ZNF804B: variants seen among roughly 807,000 people sequenced by gnomAD.
ZNF804B encodes zinc finger protein 804B, also known as zinc finger 804B.
A neutral mutation model predicts 101.4 loss-of-function variants in ZNF804B; 80 were observed. That is an observed-to-expected ratio of 0.79 (90% CI 0.66 to 0.95). The LOEUF (loss-of-function observed/expected upper bound fraction) is 0.95, where lower values mean the gene tolerates loss of function less well. ZNF804B is among the 40% of genes least tolerant of loss of function. The pLI is 0.00. For synonymous variants in ZNF804B, 622 were observed against 558.8 expected, an observed-to-expected ratio of 1.11 and a Z score of -1.59; for missense variants, 1,673 against 1,561.9, an observed-to-expected ratio of 1.07 and a Z score of -1.20.
At chr7:88,958,503 T>C (rs1329687605) in intron 1 of ZNF804B, among the ~76,000 whole-genome samples, 1 of 151,514 alleles carries the variant, frequency 6.6e-6, no homozygotes, top group African/African-American at 2.4e-5. Flanking sequence ...CATCCATAGA[T>C]ATCACCATGA....
intron 2 of ZNF804B, among the ~76,000 whole-genome samples, chr7:89,273,120 C>T (rs1382638552): frequency 6.6e-6 from 1 of 152,048 alleles, no homozygotes; most frequent in Non-Finnish European, 1.5e-5. Context: ...AACCTAAGCA[C>T]TATGTCATCA....
At chr7:88,868,697 T>C (rs1052621756) in intron 1 of ZNF804B, among the ~76,000 whole-genome samples, 2 of 152,202 alleles carry the variant, frequency 1.3e-5, no homozygotes, top group Non-Finnish European at 2.9e-5. Context: ...CTCAGATGCT[T>C]TACAACATTT....
chr7:89,138,079 A>G (rs2116388921), intron 1 of ZNF804B, among the ~76,000 whole-genome samples: 1 of 152,128 alleles, frequency 6.6e-6, no homozygotes, highest in East Asian at 1.9e-4. Context: ...AGGTTTGGGA[A>G]CCTCTGCTTA....
chr7:89,259,642 G>A (rs1789682285), intron 2 of ZNF804B, among the ~76,000 whole-genome samples: 2 of 152,224 alleles, frequency 1.3e-5, no homozygotes, highest in South Asian at 4.1e-4. Context: ...CTAAGTCATT[G>A]CCTTCAATGT....
At chr7:89,293,257 G>T (rs1368539497) in intron 2 of ZNF804B, among the ~76,000 whole-genome samples, 1 of 151,648 alleles carries the variant, frequency 6.6e-6, no homozygotes, top group Non-Finnish European at 1.5e-5. Flanking sequence ...TAATAAGTAT[G>T]GTCAAATGTT....
At chr7:89,301,260 C>T (rs1357211881) in intron 2 of ZNF804B, among the ~76,000 whole-genome samples, 1 of 151,452 alleles carries the variant, frequency 6.6e-6, no homozygotes, top group Non-Finnish European at 1.5e-5. Flanking sequence ...CCTTGATAAA[C>T]AAGTTTATTC....
At chr7:89,109,376 T>C (rs1583991416) in intron 1 of ZNF804B, among the ~76,000 whole-genome samples, 1 of 152,188 alleles carries the variant, frequency 6.6e-6, no homozygotes, top group Non-Finnish European at 1.5e-5. Context: ...TTTTATATCA[T>C]GATGTTAATT....
chr7:89,177,313 G>T (rs982471503), intron 1 of ZNF804B, among the ~76,000 whole-genome samples: 1 of 152,090 alleles, frequency 6.6e-6, no homozygotes, highest in East Asian at 1.9e-4. Context: ...TTGGTGTGTT[G>T]TGTTTTCATT....
intron 1 of ZNF804B, among the ~76,000 whole-genome samples, chr7:88,977,023 G>A (rs1308414859): frequency 1.3e-5 from 2 of 151,726 alleles, no homozygotes; most frequent in East Asian, 2.0e-4. Flanking sequence ...CTGTTGATAC[G>A]ATGTATCACA....
In ZNF804B at chr7:89,171,282, GCTGCTGCTTCTTCTT is replaced by G. The variant is rs1248424017; in HGVS notation, c.109-46870_109-46856del. Among the ~76,000 whole-genome samples, 722 of 95,534 alleles carry G rather than the reference GCTGCTGCTTCTTCTT, an allele frequency of 7.6e-3. 12 individuals carry two copies. Among genetic ancestry groups the G allele is most frequent in the African/African-American group, 0.015 (334 of 21,988 alleles). 62.7% of individuals were successfully genotyped at this position (95,534 alleles called of 152,430 possible). ...CAATGAAGTAGGCACAAATAATGCT[GCTGCTGCTTCTTCTT>G]CTTCTTCTTCTTCTTCTTCTTCTTC... On this transcript the variant is annotated intron_variant, in intron 1 of 3. Coordinates refer to ENST00000333190, the MANE Select transcript of ZNF804B (RefSeq NM_181646.5).
intron 2 of ZNF804B, among the ~76,000 whole-genome samples, chr7:89,321,619 A>T (rs930670108): frequency 6.6e-6 from 1 of 152,122 alleles, no homozygotes. Flanking sequence ...ACTAAAAAGC[A>T]TATAGAAAAA....
Position 89,336,286 on chromosome 7 carries a change from G to A in ZNF804B, c.3304G>A (p.Asp1102Asn), listed in dbSNP as rs370624635. ...QEDQINLDLQ[D>N]VSMHINHVEG... Reference sequence around the variant, plus strand: ...AGACCAAATAAATCTAGACTTACAGGATGTAAGCATGCATATAAATCATGT... The same window carrying A: ...AGACCAAATAAATCTAGACTTACAGAATGTAAGCATGCATATAAATCATGT... The change falls in exon 4 of 4, where the codon GAT becomes AAT. Residue 1102 changes from aspartate to asparagine, a missense_variant. Physicochemically the swap from Asp to Asn is conservative, Grantham distance 23 (BLOSUM62 1). Transcript: ENST00000333190. The A allele has an allele frequency of 6.8e-6, 11 of 1,613,596 alleles. No homozygotes were observed. The African/African-American group carries it at 1.5e-4, about 22-fold the overall frequency.
chr7:89,113,673 C>A (rs1482987735), intron 1 of ZNF804B, among the ~76,000 whole-genome samples: 1 of 152,072 alleles, frequency 6.6e-6, no homozygotes, highest in Non-Finnish European at 1.5e-5. Flanking sequence ...AAAAAACAGG[C>A]CAGGCGCTGT....
chr7:89,148,617 T>C (rs1197595750), intron 1 of ZNF804B, among the ~76,000 whole-genome samples: 1 of 152,058 alleles, frequency 6.6e-6, no homozygotes, highest in African/African-American at 2.4e-5. Context: ...ATTTGAAAAT[T>C]AAATCAATAT....
chr7:88,995,457 T>C (rs1788174580), intron 1 of ZNF804B, among the ~76,000 whole-genome samples: 1 of 152,042 alleles, frequency 6.6e-6, no homozygotes, highest in African/African-American at 2.4e-5. Context: ...TGTATGGTAT[T>C]ATTTCACTAT....
chr7:89,171,386 CTCT>C (rs1791231885), intron 1 of ZNF804B, among the ~76,000 whole-genome samples: 1 of 105,148 alleles, frequency 9.5e-6, no homozygotes, highest in Non-Finnish European at 2.0e-5. Context: ...CCTCTTCTTC[CTCT>C]TCTTCCTCTT....
At chr7:89,296,560 C>T (rs1425072366) in intron 2 of ZNF804B, among the ~76,000 whole-genome samples, 1 of 152,026 alleles carries the variant, frequency 6.6e-6, no homozygotes, top group Non-Finnish European at 1.5e-5. Context: ...CTACAAGGCT[C>T]ATTACTGATT....
At chr7:88,961,809 G>A (rs1793388986) in intron 1 of ZNF804B, among the ~76,000 whole-genome samples, 1 of 151,306 alleles carries the variant, frequency 6.6e-6, no homozygotes, top group Non-Finnish European at 1.5e-5. Flanking sequence ...GGATGAAAGG[G>A]AAAGGCATTT....
Position 89,336,328 on chromosome 7 carries a change from T to A in ZNF804B, c.3346T>A (p.Ser1116Thr), listed in dbSNP as rs1484860458. 4 of 1,613,870 alleles carry A rather than the reference T, an allele frequency of 2.5e-6. No homozygotes were observed. The South Asian group carries it at 3.3e-5, about 13-fold the overall frequency. Residue 1116 changes from serine (S) to threonine (T), a missense_variant, in exon 4 of 4, where the codon TCT (serine) becomes ACT (threonine). Physicochemically the swap from Ser to Thr is moderately conservative, Grantham distance 58 (BLOSUM62 1). Coordinates refer to ENST00000333190, the MANE Select transcript of ZNF804B (RefSeq NM_181646.5). ...AAATCATGTAGAGGGAAATATAAAC[T>A]CTTACTATGACAGAACTATGCAGAA... ...HINHVEGNIN[S>T]YYDRTMQKPD...
Sources: gnomAD v4.1 joint callset for allele counts (sites outside exome capture counted in the v4.1 genomes callset) on GRCh38, gnomAD v4.1.1 for gene constraint, MANE v1.5 for transcripts, NCBI Gene and HGNC (gene_info 2026-07-23, HGNC 2026-07-21) for gene names.